Variants in CCT6B observed in about 807,000 individuals in gnomAD.
CCT6B encodes the protein probable T-complex protein 1 subunit zeta-2.
CCT6B carries 49 observed loss-of-function variants against 61.5 expected under a neutral mutation model. That is an observed-to-expected ratio of 0.80 (90% confidence interval 0.63 to 1.01). The LOEUF is 1.01. CCT6B is among the 50% of genes least tolerant of loss of function. CCT6B has a pLI of 0.00. For missense variants in CCT6B, 666 were observed against 634.7 expected (o/e 1.05, Z -0.53); for synonymous variants, 228 against 214.5 (o/e 1.06, Z -0.55).
chr17:34,943,371 T>C (rs2090187810), intron 5 of CCT6B: 2 of 152,350 alleles, frequency 1.3e-5, no homozygotes, highest in African/African-American at 4.8e-5. Context: ...CTTAGGAACA[T>C]TTATTCAAAA....
At chr17:34,951,823 A>G in intron 5 of CCT6B, 127 bp downstream of exon 5, 1 of 504,752 alleles carries the variant, frequency 2.0e-6, no homozygotes, top group Non-Finnish European at 3.5e-6. Flanking sequence ...CCCATTACCT[A>G]GAGCAGTGAC....
In CCT6B at chr17:34,959,629, G is replaced by A; in HGVS notation, c.159C>T (p.Asp53=). Residue 53 remains aspartate (D), a synonymous_variant, in exon 2 of 14, where the codon GAC becomes GAT. Coordinates refer to ENST00000314144, the MANE Select transcript of CCT6B (RefSeq NM_006584.4). The part of the protein sequence containing the change: ...TMKMLVSGAG[D]IKLTKDGNVL... ...CATTGCCATCTTTGGTGAGTTTGAT[G>A]TCACCTGCACCAGAAACAAGCCTGT... 1.2e-6 allele frequency: 2 copies of A among 1,612,472 alleles called. No individual in the cohort carries two copies. Among genetic ancestry groups the A allele is most frequent in the Non-Finnish European group, 1.7e-6 (2 of 1,178,590 alleles).
In CCT6B at chr17:34,952,174, A is replaced by C. The variant is rs544110078; in HGVS notation, c.511-121T>G. 5.2e-6 allele frequency: 3 copies of C among 577,052 alleles called. No homozygotes were observed. In the Admixed American group the frequency reaches 1.0e-4, roughly 20 times the overall value. 35.7% of individuals were successfully genotyped at this position (577,052 alleles called of 1,614,324 possible). A position where few individuals can be genotyped will look rare whatever the true frequency, so the allele number is the denominator to read the frequency against. On this transcript the variant is annotated intron_variant, in intron 4 of 13. Coordinates refer to ENST00000314144, the MANE Select transcript of CCT6B (RefSeq NM_006584.4). The stretch of plus-strand genomic sequence containing the variant: ...CCTTCAGGATTCAAAACCTAGGGCA[A>C]GACCAATATGTGCCACTTTACTATG...
intron 10 of CCT6B, among the ~76,000 whole-genome samples, chr17:34,936,705 T>C (rs983261148): frequency 2.0e-5 from 3 of 151,898 alleles, no homozygotes; most frequent in Non-Finnish European, 2.9e-5. Context: ...TAGAGATAAA[T>C]ATGGAAAAAA....
At chr17:34,934,134 G>GAAAA (rs1280861242) in intron 10 of CCT6B, among the ~76,000 whole-genome samples, 1 of 75,824 alleles carries the variant, frequency 1.3e-5, no homozygotes, top group African/African-American at 4.9e-5. Flanking sequence ...GTTTCAAAAA[G>GAAAA]AAAAAAAAAA....
intron 5 of CCT6B, among the ~76,000 whole-genome samples, chr17:34,945,826 G>T (rs1472994245): frequency 1.3e-5 from 2 of 152,204 alleles, no homozygotes; most frequent in African/African-American, 4.8e-5. Flanking sequence ...AGAGCTATAA[G>T]ATAGTATATA....
chr17:34,947,063 G>A (rs1026717124), intron 5 of CCT6B, among the ~76,000 whole-genome samples: 4 of 152,172 alleles, frequency 2.6e-5, no homozygotes, highest in African/African-American at 7.2e-5. Flanking sequence ...CAAGGGACTG[G>A]TTTTAAAGTA....
intron 5 of CCT6B, 190 bp from the exon 6 acceptor site, chr17:34,943,096 G>A (rs565823126): frequency 6.8e-5 from 32 of 472,560 alleles, no homozygotes; most frequent in African/African-American, 6.0e-4. Flanking sequence ...TGTCCAGGCT[G>A]GCCACGAACT....
At chr17:34,939,019 G>A (rs1465363317) in intron 10 of CCT6B, among the ~76,000 whole-genome samples, 164 bp downstream of exon 10, 1 of 152,174 alleles carries the variant, frequency 6.6e-6, no homozygotes, top group East Asian at 1.9e-4. Flanking sequence ...GGGAGGCAGA[G>A]GTTGCAGTGG....
intron 4 of CCT6B, among the ~76,000 whole-genome samples, chr17:34,952,832 T>C (rs1337112081): frequency 1.3e-5 from 2 of 152,210 alleles, no homozygotes; most frequent in Non-Finnish European, 2.9e-5. Flanking sequence ...GGTGACATAA[T>C]ATTTTATTTT....
At chr17:34,935,179 T>C (rs2090080034) in intron 10 of CCT6B, among the ~76,000 whole-genome samples, 1 of 152,160 alleles carries the variant, frequency 6.6e-6, no homozygotes, top group Non-Finnish European at 1.5e-5. Context: ...TGATTCCAAT[T>C]ATATGAGATA....
intron 10 of CCT6B, 91 bp from the exon 11 acceptor site, chr17:34,932,591 T>C (rs2090048992): frequency 8.6e-7 from 1 of 1,165,330 alleles, no homozygotes; most frequent in South Asian, 1.7e-5. Flanking sequence ...TTTAAGTATG[T>C]TCTATTATCT....
At position 34,952,267 on chromosome 17, in the gene CCT6B, C is replaced by T. The variant is rs1033606625; in HGVS notation, c.511-214G>A. On this transcript the variant is annotated intron_variant, in intron 4 of 13. Transcript: ENST00000314144. Reference sequence around the variant, plus strand: ...AAGAAACTTCAGAGATCATTAGGTCCAAACCTTTTATTTTACAGATAAGGC... The same window carrying T: ...AAGAAACTTCAGAGATCATTAGGTCTAAACCTTTTATTTTACAGATAAGGC... Among the ~76,000 whole-genome samples the T allele has an allele frequency of 5.3e-5, 8 of 152,120 alleles. No homozygotes were observed. The South Asian group carries it at 1.7e-3, about 31-fold the overall frequency.
At chr17:34,953,531 T>C (rs2090316006) in intron 4 of CCT6B, among the ~76,000 whole-genome samples, 1 of 151,946 alleles carries the variant, frequency 6.6e-6, no homozygotes, top group Non-Finnish European at 1.5e-5. Context: ...GATTTCACCA[T>C]GTTGGCCAGG....
Position 34,954,553 on chromosome 17 carries a change from A to G in CCT6B, c.383T>C (p.Ile128Thr). 5.0e-6 allele frequency: 8 copies of G among 1,613,732 alleles called. No homozygotes were observed. The highest frequency in any genetic ancestry group is 6.8e-6 in the Non-Finnish European group (8 of 1,179,842). Residue 128 changes from isoleucine to threonine, a missense_variant, in exon 4 of 14, where the codon ATA (isoleucine) becomes ACA (threonine). By Grantham distance (89) the Ile-to-Thr change is moderately conservative. Coordinates refer to ENST00000314144, the MANE Select transcript of CCT6B (RefSeq NM_006584.4). ...TTCCTCCAAAACTTCAAGTGCTTTTATCTTTGCAGCTTCAAATCCTTCAGC... is the reference window on the plus strand; with the variant it reads ...TTCCTCCAAAACTTCAAGTGCTTTTGTCTTTGCAGCTTCAAATCCTTCAGC... Reference protein sequence around the residue: ...IIAEGFEAAKIKALEVLEEVK... With the variant: ...IIAEGFEAAKTKALEVLEEVK...
intron 1 of CCT6B, 50 bp downstream of exon 1, chr17:34,961,207 A>C: frequency 6.4e-7 from 1 of 1,557,598 alleles, no homozygotes; most frequent in Middle Eastern, 2.3e-4. Flanking sequence ...GGGCGACAGG[A>C]CACCAACGGG....
rs757786280 is a variant in CCT6B, at chr17:34,953,318, A to AATATATAT, written c.510+1100_510+1107dup. Among the ~76,000 whole-genome samples, 680 of 141,080 alleles carry AATATATAT rather than the reference A, an allele frequency of 4.8e-3. 3 individuals are homozygous for AATATATAT. The highest frequency in any genetic ancestry group is 7.5e-3 in the South Asian group (32 of 4,264). The allele number at this position is 141,080 out of a possible 152,430, so 92.6% of individuals were successfully genotyped here. A position where few individuals can be genotyped will look rare whatever the true frequency, so the allele number is the denominator to read the frequency against. On this transcript the variant is annotated intron_variant, in intron 4 of 13. Transcript: ENST00000314144. ...TCCAGCCAATCTTGTCTTTATATAA[A>AATATATAT]ATATATATATATATATATATATATT...
intron 8 of CCT6B, among the ~76,000 whole-genome samples, chr17:34,939,972 G>A (rs1475584286): frequency 6.6e-6 from 1 of 152,036 alleles, no homozygotes; most frequent in African/African-American, 2.4e-5. Flanking sequence ...CCATTTGTGT[G>A]ATAAGAACAC....
At chr17:34,948,651 T>C (rs1031564683) in intron 5 of CCT6B, among the ~76,000 whole-genome samples, 1 of 151,108 alleles carries the variant, frequency 6.6e-6, no homozygotes, top group African/African-American at 2.4e-5. Flanking sequence ...GAGGCAGAGA[T>C]TGCAGTGAGC....
Sources: allele counts gnomAD v4.1 joint callset (sites outside exome capture counted in the v4.1 genomes callset), GRCh38; gene constraint gnomAD v4.1.1; transcripts MANE v1.5; gene names NCBI Gene and HGNC (gene_info 2026-07-23, HGNC 2026-07-21).